The following CDH1 variants were observed in gnomAD, a reference collection of about 807,000 sequenced individuals.
CDH1 encodes the protein cadherin-1.
Under a neutral mutation model 84.5 loss-of-function variants are expected in CDH1, and 35 were observed. That is an observed-to-expected ratio of 0.41 (90% confidence interval 0.32 to 0.55). The LOEUF is 0.55. CDH1 is among the 20% of genes least tolerant of loss of function. CDH1 has a pLI of 0.19. For synonymous variants in CDH1, 417 were observed against 439.0 expected (o/e 0.95, Z 0.63); for missense variants, 994 against 1,126.6 (o/e 0.88, Z 1.68).
intron 2 of CDH1, among the ~76,000 whole-genome samples, chr16:68,740,074 C>T (rs1281073471): frequency 2.0e-5 from 3 of 152,264 alleles, no homozygotes; most frequent in East Asian, 3.9e-4. Flanking sequence ...GCTAGTTTCT[C>T]TTCTGGTTTC....
chr16:68,755,304 A>AAAAAAAAG (rs71148945), intron 2 of CDH1, among the ~76,000 whole-genome samples: 1 of 146,934 alleles, frequency 6.8e-6, no homozygotes, highest in Non-Finnish European at 1.5e-5. Context: ...AAAAAAAAAA[A>AAAAAAAAG]TAGAATTGGA....
At chr16:68,771,677 A>G (rs1024631355) in intron 2 of CDH1, among the ~76,000 whole-genome samples, 7 of 150,574 alleles carry the variant, frequency 4.6e-5, no homozygotes, top group South Asian at 2.1e-4. Context: ...GCTTGAACCC[A>G]GGAGGTGGAG....
intron 1 of CDH1, among the ~76,000 whole-genome samples, chr16:68,737,772 G>A (rs1448371025): frequency 6.6e-6 from 1 of 152,104 alleles, no homozygotes; most frequent in East Asian, 1.9e-4. Flanking sequence ...GGTGTAGGGG[G>A]TGGGGTGTGG....
rs201141645 is a variant in CDH1, at chr16:68,808,707, A to C, written c.546A>C (p.Lys182Asn). 3.2e-5 allele frequency: 51 copies of C among 1,614,200 alleles called. No homozygotes were observed. In the East Asian group the frequency reaches 8.0e-4, roughly 25 times the overall value. Reference protein sequence around the residue: ...PKNLVQIKSNKDKEGKVFYSI... With the variant: ...PKNLVQIKSNNDKEGKVFYSI... ...TTTGTCTTCAGATCAAATCCAACAAAGACAAAGAAGGCAAGGTTTTCTACA... is the reference window on the plus strand; with the variant it reads ...TTTGTCTTCAGATCAAATCCAACAACGACAAAGAAGGCAAGGTTTTCTACA... The change falls in exon 5 of 16, where the codon AAA becomes AAC. Residue 182 changes from lysine to asparagine, a missense_variant. Physicochemically the swap from Lys to Asn is moderately conservative, Grantham distance 94. Coordinates refer to ENST00000261769, the MANE Select transcript of CDH1 (RefSeq NM_004360.5).
chr16:68,811,457 CTTTT>C (rs1456036833), intron 6 of CDH1, among the ~76,000 whole-genome samples: 1 of 148,726 alleles, frequency 6.7e-6, no homozygotes, highest in African/African-American at 2.5e-5. Context: ...CATTCCCTTT[CTTTT>C]CTTTATTACC....
chr16:68,829,765 AATCCCG>A lies in CDH1; in HGVS notation c.2410_2415del (p.Pro804_Asp805del). On this transcript the variant is annotated inframe_deletion, in exon 15 of 16. Coordinates refer to ENST00000261769, the MANE Select transcript of CDH1 (RefSeq NM_004360.5). ...CCCCCGGTATCTTCCCCGCCCTGCCAATCCCGATGAAATTGGAAATTTTATTGATGA... is the reference window on the plus strand; with the variant it reads ...CCCCCGGTATCTTCCCCGCCCTGCCAATGAAATTGGAAATTTTATTGATGA... 6.2e-7 allele frequency: 1 copy of A among 1,613,974 alleles called. No individual in the cohort carries two copies. Among genetic ancestry groups the A allele is most frequent in the Non-Finnish European group, 8.5e-7 (1 of 1,179,994 alleles).
chr16:68,759,950 A>C (rs1224139509), intron 2 of CDH1, among the ~76,000 whole-genome samples: 1 of 152,058 alleles, frequency 6.6e-6, no homozygotes, highest in Non-Finnish European at 1.5e-5. Context: ...TTTGGCCTAG[A>C]AAGGAGCCTC....
chr16:68,738,513 C>A, intron 2 of CDH1, 102 bp downstream of exon 2: 3 of 716,054 alleles, frequency 4.2e-6, no homozygotes, highest in Non-Finnish European at 6.9e-6. Context: ...GGCAAGCTCC[C>A]TCCTTGGCTC....
chr16:68,833,956 C>A lies in CDH1; in HGVS notation c.*457C>A. ...CTCATTACTACACTGGTGTGTCCCT[C>A]TGCCTTTTTTTTTTTTTTAAGACAG... On this transcript the variant is annotated 3_prime_UTR_variant, in exon 16 of 16. Coordinates refer to ENST00000261769, the MANE Select transcript of CDH1 (RefSeq NM_004360.5). The A allele has an allele frequency of 3.0e-6, 1 of 331,506 alleles. No individual in the cohort carries two copies. The highest frequency in any genetic ancestry group is 4.6e-5 in the Admixed American group (1 of 21,910). The allele number at this position is 331,506 out of a possible 1,614,324, so 20.5% of individuals were successfully genotyped here.
intron 2 of CDH1, among the ~76,000 whole-genome samples, chr16:68,763,874 G>A (rs902773856): frequency 6.6e-6 from 1 of 152,176 alleles, no homozygotes; most frequent in Admixed American, 6.5e-5. Context: ...CCAGGAATCT[G>A]CATTTTAAAA....
At chr16:68,801,594 G>T in intron 2 of CDH1, 76 bp from the exon 3 acceptor site, 3 of 1,251,328 alleles carry the variant, frequency 2.4e-6, no homozygotes, top group South Asian at 2.4e-5. Flanking sequence ...CTTCCCACAA[G>T]TTCGCTCTTT....
At chr16:68,789,690 A>G (rs62055762) in intron 2 of CDH1, among the ~76,000 whole-genome samples, 2,458 of 152,246 alleles carry the variant, frequency 0.016, 30 homozygotes, top group South Asian at 0.088. Flanking sequence ...CTCACTCCTT[A>G]GTTGCTACTG....
rs754404223 is a variant in CDH1, at chr16:68,822,191, G to A, written c.1902G>A (p.Ala634=). ...SPFTAELTHG[A]SANWTIQYND... is the part of the protein sequence containing the mutation. Reference sequence around the variant, plus strand: ...TCACAGCAGAACTAACACACGGGGCGAGTGCCAACTGGACCATTCAGTACA... The same window carrying A: ...TCACAGCAGAACTAACACACGGGGCAAGTGCCAACTGGACCATTCAGTACA... Residue 634 remains alanine, a synonymous_variant, in exon 12 of 16, where the codon GCG becomes GCA. Transcript: ENST00000261769. 18 of 1,613,914 alleles carry A rather than the reference G, an allele frequency of 1.1e-5. No homozygotes were observed. Among genetic ancestry groups the A allele is most frequent in the Middle Eastern group, 1.6e-4 (1 of 6,084 alleles).
chr16:68,760,810 C>T (rs750478337), intron 2 of CDH1, among the ~76,000 whole-genome samples: 2 of 151,996 alleles, frequency 1.3e-5, no homozygotes, highest in Non-Finnish European at 2.9e-5. Context: ...GCTGGGTCAG[C>T]TGGTGGAGCT....
chr16:68,804,824 C>CTTTTTTTTTTTT (rs5817653), intron 3 of CDH1, among the ~76,000 whole-genome samples: 6 of 69,678 alleles, frequency 8.6e-5, no homozygotes, highest in African/African-American at 4.0e-4. Context: ...GTAACAAAAT[C>CTTTTTTTTTTTT]TTTTTTTTTT....
At chr16:68,810,860 C>T (rs1486926792) in intron 6 of CDH1, among the ~76,000 whole-genome samples, 1 of 150,118 alleles carries the variant, frequency 6.7e-6, no homozygotes, top group Non-Finnish European at 1.5e-5. Flanking sequence ...ATCCAGACTC[C>T]GTCTCAAAAA....
chr16:68,747,956 G>A (rs1462998081), intron 2 of CDH1, among the ~76,000 whole-genome samples: 2 of 151,960 alleles, frequency 1.3e-5, no homozygotes, highest in African/African-American at 2.4e-5. Flanking sequence ...TAGAGACAGG[G>A]TTTCACCATG....
At chr16:68,746,917 C>G (rs1013959346) in intron 2 of CDH1, among the ~76,000 whole-genome samples, 26 of 152,196 alleles carry the variant, frequency 1.7e-4, no homozygotes, top group Admixed American at 1.7e-3. Context: ...CCATTGCACT[C>G]TAGCCTGGGC....
intron 2 of CDH1, among the ~76,000 whole-genome samples, chr16:68,750,425 T>G (rs1194084720): frequency 6.6e-6 from 1 of 151,986 alleles, no homozygotes; most frequent in African/African-American, 2.4e-5. Flanking sequence ...GCATGGCTCT[T>G]GCTGCTGAAA....
Sources: allele counts gnomAD v4.1 joint callset (sites outside exome capture counted in the v4.1 genomes callset), GRCh38; gene constraint gnomAD v4.1.1; transcripts MANE v1.5; gene names NCBI Gene and HGNC (gene_info 2026-07-23, HGNC 2026-07-21).